The following HDAC4 variants were observed in gnomAD, a reference collection of about 807,000 sequenced individuals.
HDAC4 encodes histone deacetylase A.
In HDAC4, 16 loss-of-function variants were observed where a neutral mutation model predicts 135.1. The ratio of observed to expected loss-of-function variants is 0.12; its 90% CI spans 0.08 to 0.18. The LOEUF is 0.18. Among genes scored for constraint, HDAC4 ranks in the 10% least tolerant of loss-of-function variants. HDAC4 has a pLI of 1.00. For missense variants in HDAC4, 1,143 were observed against 1,511.8 expected, an observed-to-expected ratio of 0.76 and a Z score of 4.05; for synonymous variants, 685 against 653.4, an observed-to-expected ratio of 1.05 and a Z score of -0.74.
intron 2 of HDAC4, among the ~76,000 whole-genome samples, chr2:239,311,981 T>C (rs2052902510): frequency 6.6e-6 from 1 of 152,058 alleles, no homozygotes; most frequent in African/African-American, 2.4e-5. Flanking sequence ...CCTGGGGCCC[T>C]AGACTAACAT....
rs2036867314 is a variant in HDAC4 at position 239,094,928 on chromosome 2, A to T, written c.2280+82T>A. 6 of 1,609,814 alleles carry T rather than the reference A, an allele frequency of 3.7e-6. No individual in the cohort carries two copies. In the Admixed American group the frequency reaches 1.0e-4, roughly 27 times the overall value. On this transcript the variant is annotated intron_variant, in intron 17 of 26. Coordinates refer to ENST00000543185, the MANE Select transcript of HDAC4 (RefSeq NM_001378414.1). ...CACCTGGCAGCAATTATTCACTTTG[A>T]GGGAAGCAAGGCTGCGATTTCTGTG...
chr2:239,321,940 A>AAAGCAATGAAAGAATG (rs1346237533), intron 2 of HDAC4, among the ~76,000 whole-genome samples: 2 of 152,230 alleles, frequency 1.3e-5, no homozygotes, highest in Admixed American at 6.5e-5. Flanking sequence ...ACACACAAAC[A>AAAGCAATGAAAGAATG]AAGCAATGAA....
intron 2 of HDAC4, among the ~76,000 whole-genome samples, chr2:239,253,602 T>G (rs1464057162): frequency 6.6e-6 from 1 of 152,234 alleles, no homozygotes; most frequent in African/African-American, 2.4e-5. Context: ...AACTTTAGGT[T>G]CCCAAACCTT....
intron 2 of HDAC4, among the ~76,000 whole-genome samples, chr2:239,346,253 TAC>T (rs752028994): frequency 2.3e-4 from 29 of 124,972 alleles, no homozygotes; most frequent in African/African-American, 6.4e-4. Flanking sequence ...CATACTTTAA[TAC>T]ACAGACACCC....
At chr2:239,284,794 T>C (rs1021206966) in intron 2 of HDAC4, among the ~76,000 whole-genome samples, 2 of 152,024 alleles carry the variant, frequency 1.3e-5, no homozygotes, top group African/African-American at 2.4e-5. Flanking sequence ...CAAAAGTAAA[T>C]ACACAAGCAG....
chr2:239,214,451 G>A (rs1277424056), intron 3 of HDAC4, among the ~76,000 whole-genome samples: 2 of 152,210 alleles, frequency 1.3e-5, no homozygotes, highest in Non-Finnish European at 2.9e-5. Context: ...GCCGGGTAAG[G>A]TTACACAGTC....
intron 3 of HDAC4, among the ~76,000 whole-genome samples, chr2:239,207,997 A>C (rs1201977950): frequency 6.6e-6 from 1 of 152,110 alleles, no homozygotes; most frequent in African/African-American, 2.4e-5. Flanking sequence ...AAAAGACAGC[A>C]GACCAATACA....
chr2:239,381,689 G>C (rs928101857), intron 1 of HDAC4, among the ~76,000 whole-genome samples: 4 of 152,140 alleles, frequency 2.6e-5, no homozygotes, highest in African/African-American at 9.7e-5. Flanking sequence ...TCTCACCCTA[G>C]GTACCAATGA....
In HDAC4 at chr2:239,068,537, C is replaced by T. The variant is rs757439665; in HGVS notation, c.2821G>A (p.Val941Met). The T allele has an allele frequency of 1.1e-5, 18 of 1,614,034 alleles. No individual in the cohort carries two copies. Among genetic ancestry groups the T allele is most frequent in the South Asian group, 9.9e-5 (9 of 91,086 alleles). ...VVLVSSGFDA[V>M]EGHPTPLGGY... Reference sequence around the variant, plus strand: ...CCAAGAGGGGTGGGGTGGCCCTCCACGGCATCGAAGCCTGATGACACCAGC... The same window carrying T: ...CCAAGAGGGGTGGGGTGGCCCTCCATGGCATCGAAGCCTGATGACACCAGC... The change falls in exon 23 of 27, where the codon GTG becomes ATG. Residue 941 changes from valine to methionine, a missense_variant. By Grantham distance (21) the Val-to-Met change is conservative. Around this residue, in one of 9 missense-constraint regions of HDAC4, gnomAD observed 189 missense variants for 317.6 expected, o/e 0.60. Coordinates refer to ENST00000543185, the MANE Select transcript of HDAC4 (RefSeq NM_001378414.1). The surrounding 1 kb of genome is among the most constrained non-coding windows in gnomAD (Gnocchi z 4.4).
At chr2:239,099,304 A>G (rs531617621) in intron 16 of HDAC4, among the ~76,000 whole-genome samples, 123 of 152,340 alleles carry the variant, frequency 8.1e-4, no homozygotes, top group African/African-American at 2.9e-3. Context: ...GCCATTCTGA[A>G]AGGCGTGGAG....
chr2:239,096,246 G>A (rs1377976701), intron 16 of HDAC4, among the ~76,000 whole-genome samples: 4 of 152,064 alleles, frequency 2.6e-5, no homozygotes, highest in African/African-American at 9.7e-5. Flanking sequence ...GAGCAACTGC[G>A]ATGGCCCCAA....
chr2:239,298,076 C>T, intron 2 of HDAC4: 10 of 619,156 alleles, frequency 1.6e-5, no homozygotes, highest in Non-Finnish European at 2.7e-5. Context: ...TGTCATGGGT[C>T]TTTAGGGTTG....
Position 239,108,176 on chromosome 2 carries a change from C to A in HDAC4, c.1986G>T (p.Val662=). 1 of 1,601,558 alleles carries A rather than the reference C, an allele frequency of 6.2e-7. No homozygotes were observed. ...GGTGCTTCAGCATCAGCGTGTCATA[C>A]ACGAGGCCTGGGGCGGGGCAGAGGG... The part of the protein sequence containing the change: ...PTKPRFTTGL[V]YDTLMLKHQC... Residue 662 remains valine, a synonymous_variant, in exon 15 of 27, where the codon GTG becomes GTT. Transcript: ENST00000543185.
At chr2:239,220,835 T>C (rs1449679984) in intron 3 of HDAC4, among the ~76,000 whole-genome samples, 2 of 152,334 alleles carry the variant, frequency 1.3e-5, no homozygotes, top group African/African-American at 4.8e-5. Flanking sequence ...ATTTAAAAGA[T>C]AATTATAGAT....
intron 1 of HDAC4, among the ~76,000 whole-genome samples, chr2:239,382,697 G>C (rs1695503326): frequency 6.6e-6 from 1 of 152,038 alleles, no homozygotes; most frequent in African/African-American, 2.4e-5. Context: ...ACCGTGATGG[G>C]AGCTTTCTTT....
intron 16 of HDAC4, among the ~76,000 whole-genome samples, chr2:239,099,915 G>C (rs1253717318): frequency 2.0e-5 from 3 of 152,268 alleles, no homozygotes; most frequent in Non-Finnish European, 4.4e-5. Context: ...AGGAAGAACA[G>C]CTGGAGGGTG....
intron 24 of HDAC4, among the ~76,000 whole-genome samples, chr2:239,061,907 T>G (rs1465497754): frequency 6.6e-6 from 1 of 152,174 alleles, no homozygotes; most frequent in Non-Finnish European, 1.5e-5. Context: ...AGTAGAAAAT[T>G]GGCCCAAGCA....
chr2:239,119,978 G>C (rs575545550), intron 12 of HDAC4, among the ~76,000 whole-genome samples: 1 of 61,372 alleles, frequency 1.6e-5, no homozygotes, highest in East Asian at 6.2e-4. Context: ...CCAAGTGCCA[G>C]AGAAGGCAGT....
chr2:239,148,140 G>A (rs995218029), intron 7 of HDAC4, among the ~76,000 whole-genome samples: 6 of 152,198 alleles, frequency 3.9e-5, no homozygotes, highest in East Asian at 1.9e-4. Context: ...GGGACAGGGC[G>A]GGCAGGCAGA....
Sources: gnomAD v4.1 joint callset for allele counts (sites outside exome capture counted in the v4.1 genomes callset) on GRCh38, gnomAD v4.1.1 for gene constraint, gnomAD v4.1.1 regional missense constraint, Gnocchi (gnomAD v3.1) non-coding constraint, MANE v1.5 for transcripts, NCBI Gene and HGNC (gene_info 2026-07-23, HGNC 2026-07-21) for gene names.